GPRC5B: variants seen among roughly 807,000 people sequenced by gnomAD.
The protein encoded by GPRC5B is G protein-coupled receptor class C group 5 member B, also known as G protein-coupled receptor family C group 5 member B.
A neutral mutation model predicts 30.1 loss-of-function variants in GPRC5B; 16 were observed. The observed-to-expected ratio is 0.53, with a 90% CI of 0.36 to 0.81. The LOEUF (loss-of-function observed/expected upper bound fraction) is 0.81. GPRC5B is among the 30% of genes least tolerant of loss of function. The pLI, the probability that GPRC5B is intolerant of heterozygous loss-of-function variation, is 0.01. For missense variants in GPRC5B, 428 were observed against 544.7 expected (o/e 0.79, Z 2.13); for synonymous variants, 241 against 239.5 (o/e 1.01, Z -0.06).
intron 2 of GPRC5B, among the ~76,000 whole-genome samples, chr16:19,869,782 C>T (rs2056698873): frequency 1.3e-5 from 2 of 152,140 alleles, no homozygotes; most frequent in Admixed American, 1.3e-4. Context: ...ATGTTAATAA[C>T]ACTGGGGGGC....
rs10541805 is a variant in GPRC5B at position 19,863,491 on chromosome 16, C to CT, written c.1031-1519dup. On this transcript the variant is annotated intron_variant, in intron 2 of 3. Transcript: ENST00000300571. ...GGGACCCAGGCAAGGAATCTGTGTT[C>CT]TTTTTTTTTTTTTTTTTTTTTTTGA... 1.6e-3 allele frequency among the ~76,000 whole-genome samples: 133 copies of CT among 82,202 alleles called. 1 individual carries two copies. Among genetic ancestry groups the CT allele is most frequent in the East Asian group, 2.9e-3 (7 of 2,426 alleles). 53.9% of individuals were successfully genotyped at this position (82,202 alleles called of 152,430 possible). A position where few individuals can be genotyped will look rare whatever the true frequency, so the allele number is the denominator to read the frequency against.
At chr16:19,864,367 T>C (rs955465121) in intron 2 of GPRC5B, among the ~76,000 whole-genome samples, 5 of 152,280 alleles carry the variant, frequency 3.3e-5, no homozygotes, top group Admixed American at 1.3e-4. Context: ...CAACATTTCA[T>C]GTGCCTTGTT....
chr16:19,878,063 G>T (rs1010866137), intron 1 of GPRC5B, among the ~76,000 whole-genome samples: 12 of 151,954 alleles, frequency 7.9e-5, no homozygotes, highest in Non-Finnish European at 1.5e-4. Flanking sequence ...GCTGGGCGTG[G>T]TGGCACGTGC....
chr16:19,885,371 C>T (rs1364787335), upstream of GPRC5B: 6 of 1,187,586 alleles, frequency 5.1e-6, no homozygotes, highest in African/African-American at 3.2e-5. The surrounding 1 kb of genome is among the most constrained non-coding windows in gnomAD (Gnocchi z 5.3). Flanking sequence ...ACCAACGCCC[C>T]GGTATACACC....
chr16:19,870,560 T>C (rs1333022762), intron 2 of GPRC5B, among the ~76,000 whole-genome samples: 5 of 152,290 alleles, frequency 3.3e-5, no homozygotes, highest in South Asian at 2.1e-4. Flanking sequence ...GAGGCAAAAT[T>C]TGAACGCAGA....
At chr16:19,885,330 G>A (rs2056842123), upstream of GPRC5B, 5 of 1,220,922 alleles carry the variant, frequency 4.1e-6, no homozygotes, top group African/African-American at 1.6e-5. This position sits in a 1 kb window ranked among gnomAD's most constrained non-coding sequence, Gnocchi z 5.3. Context: ...GACGCAGAGA[G>A]GATCGATCCC....
intron 1 of GPRC5B, among the ~76,000 whole-genome samples, chr16:19,874,374 AC>A (rs35887083): frequency 4.0e-5 from 6 of 151,860 alleles, no homozygotes; most frequent in Admixed American, 1.3e-4. Context: ...CCAAGGTCAC[AC>A]CCCAGTCCTC....
intron 2 of GPRC5B, among the ~76,000 whole-genome samples, chr16:19,863,960 A>G (rs975502959): frequency 1.7e-4 from 26 of 151,856 alleles, no homozygotes; most frequent in African/African-American, 6.0e-4. Flanking sequence ...TGATCCATGG[A>G]AAGATTGTCC....
intron 2 of GPRC5B, among the ~76,000 whole-genome samples, chr16:19,871,281 C>CAAAAAAAAAAAAAAAAAA (rs71375667): frequency 6.8e-4 from 48 of 70,258 alleles, no homozygotes; most frequent in East Asian, 8.4e-4. Flanking sequence ...GACCCTGTCT[C>CAAAAAAAAAAAAAAAAAA]AAAAAAAAAA....
At chr16:19,860,896 G>A (rs1281454989) in intron 3 of GPRC5B, among the ~76,000 whole-genome samples, 1 of 152,082 alleles carries the variant, frequency 6.6e-6, no homozygotes, top group Non-Finnish European at 1.5e-5. Context: ...CCGAATGCTT[G>A]TGAATCAGGC....
intron 2 of GPRC5B, chr16:19,862,270 G>A (rs545006103): frequency 3.6e-5 from 13 of 361,432 alleles, no homozygotes; most frequent in Admixed American, 8.7e-5. Flanking sequence ...TGCAGGCCGC[G>A]GGTGACAGGC....
At chr16:19,867,050 C>G (rs1428823335) in intron 2 of GPRC5B, among the ~76,000 whole-genome samples, 1 of 152,248 alleles carries the variant, frequency 6.6e-6, no homozygotes, top group Non-Finnish European at 1.5e-5. Context: ...CCTTCCTGCT[C>G]TGCCGTGTAT....
At chr16:19,863,782 T>A (rs1229942278) in intron 2 of GPRC5B, among the ~76,000 whole-genome samples, 1 of 152,068 alleles carries the variant, frequency 6.6e-6, no homozygotes, top group East Asian at 1.9e-4. Context: ...ATTACAGGCA[T>A]GAGTCACTGT....
At chr16:19,875,603 C>A (rs1315288406) in intron 1 of GPRC5B, among the ~76,000 whole-genome samples, 1 of 151,944 alleles carries the variant, frequency 6.6e-6, no homozygotes, top group Non-Finnish European at 1.5e-5. Context: ...TATGGTGAAA[C>A]CCTGTCTCTA....
rs3067833 is a variant in GPRC5B at position 19,861,087 on chromosome 16, T to TAA, written c.1168-545_1168-544dup. On this transcript the variant is annotated intron_variant, in intron 3 of 3. Transcript: ENST00000300571. ...GATCAAAGACCATCCCTGATTTACA[T>TAA]AAAAAAAAAAAAAAAAAGAAGAATG... 2.8e-4 allele frequency among the ~76,000 whole-genome samples: 26 copies of TAA among 93,384 alleles called. 1 individual carries two copies. Among genetic ancestry groups the TAA allele is most frequent in the African/African-American group, 6.3e-4 (13 of 20,496 alleles). The allele number at this position is 93,384 out of a possible 152,430, so 61.3% of individuals were successfully genotyped here.
rs987077286 is a variant in GPRC5B at position 19,884,820 on chromosome 16, C to A, written c.-95G>T. ...GGCCGCGGCCCCCGCTCCACGCACGCCCGCCTGCGGGTCCAGCTTCACTGC... is the reference window on the plus strand; with the variant it reads ...GGCCGCGGCCCCCGCTCCACGCACGACCGCCTGCGGGTCCAGCTTCACTGC... On this transcript the variant is annotated 5_prime_UTR_variant, in exon 1 of 4. Coordinates refer to ENST00000300571, the MANE Select transcript of GPRC5B (RefSeq NM_016235.3). 2.0e-6 allele frequency: 2 copies of A among 984,086 alleles called. No homozygotes were observed. The highest frequency in any genetic ancestry group is 2.4e-6 in the Non-Finnish European group (2 of 829,500). 61.0% of individuals were successfully genotyped at this position (984,086 alleles called of 1,614,324 possible).
chr16:19,875,605 C>A (rs1415844568), intron 1 of GPRC5B, among the ~76,000 whole-genome samples: 1 of 151,984 alleles, frequency 6.6e-6, no homozygotes, highest in Non-Finnish European at 1.5e-5. Flanking sequence ...TGGTGAAACC[C>A]TGTCTCTACT....
chr16:19,861,083 T>G (rs569176680), intron 3 of GPRC5B, among the ~76,000 whole-genome samples: 1 of 31,910 alleles, frequency 3.1e-5, no homozygotes, highest in Non-Finnish European at 4.8e-5. Context: ...ATCCCTGATT[T>G]ACATAAAAAA....
In GPRC5B at chr16:19,857,527, T is replaced by C. The variant is rs1193302551; in HGVS notation, c.*2973A>G. The C allele has an allele frequency of 2.5e-6, 1 of 405,692 alleles. No individual in the cohort carries two copies. The allele number at this position is 405,692 out of a possible 1,614,324, so 25.1% of individuals were successfully genotyped here. On this transcript the variant is annotated 3_prime_UTR_variant, in exon 4 of 4. Coordinates refer to ENST00000300571, the MANE Select transcript of GPRC5B (RefSeq NM_016235.3). ...CATTAATGCATTTAATAAATATATA[T>C]TATCTATCAAAAGTGAGCCTTAGCT... is the stretch of plus-strand genomic sequence containing the variant.
Sources: gnomAD v4.1 joint callset for allele counts (sites outside exome capture counted in the v4.1 genomes callset) on GRCh38, gnomAD v4.1.1 for gene constraint, Gnocchi (gnomAD v3.1) non-coding constraint, MANE v1.5 for transcripts, NCBI Gene and HGNC (gene_info 2026-07-23, HGNC 2026-07-21) for gene names.